The following VTI1B variants were observed in gnomAD, a reference collection of about 807,000 sequenced individuals.
The protein encoded by VTI1B is vesicle transport through interaction with t-SNAREs homolog 1B.
A neutral mutation model predicts 28.6 loss-of-function variants in VTI1B; 18 were observed. That is an observed-to-expected ratio of 0.63 (90% CI 0.43 to 0.93). The LOEUF (loss-of-function observed/expected upper bound fraction) is 0.93. Ranked by LOEUF, VTI1B falls within the 40% of genes least tolerant of loss-of-function variation. The probability of loss-of-function intolerance (pLI) is 0.00; values close to 1 mark genes in which losing one functional copy is unlikely to be tolerated. For synonymous variants in VTI1B, 100 were observed against 107.9 expected (o/e 0.93, Z 0.46); for missense variants, 283 against 297.0 (o/e 0.95, Z 0.35).
At chr14:67,667,334 G>T (rs1159258288) in intron 1 of VTI1B, among the ~76,000 whole-genome samples, 3 of 151,944 alleles carry the variant, frequency 2.0e-5, no homozygotes, top group Non-Finnish European at 4.4e-5. Flanking sequence ...TTTGCTTTTG[G>T]TGCCTCACTG....
In VTI1B at chr14:67,648,939, AC is replaced by A. The variant is rs1362199729; in HGVS notation, c.*2445del. ...ATTGAAAGGTTCAGGGCTATAGAGA[AC>A]CCTTGACTAGCTGGGATAGAAACTC... On this transcript the variant is annotated 3_prime_UTR_variant, in exon 6 of 6. Coordinates refer to ENST00000554659, the MANE Select transcript of VTI1B (RefSeq NM_006370.3). 1 of 152,152 alleles carries A rather than the reference AC, an allele frequency of 6.6e-6. No homozygotes were observed. The highest frequency in any genetic ancestry group is 2.4e-5 in the African/African-American group (1 of 41,424). The allele number at this position is 152,152 out of a possible 1,614,324, so 9.4% of individuals were successfully genotyped here. A position where few individuals can be genotyped will look rare whatever the true frequency, so the allele number is the denominator to read the frequency against.
intron 2 of VTI1B, chr14:67,660,134 T>C: frequency 2.0e-6 from 1 of 498,414 alleles, no homozygotes. Context: ...GGCATTCGAG[T>C]ATATGAACTG....
intron 1 of VTI1B, 87 bp from the exon 2 acceptor site, chr14:67,662,622 A>G: frequency 8.3e-7 from 1 of 1,210,658 alleles, no homozygotes; most frequent in South Asian, 1.4e-5. Flanking sequence ...TAAGCTTCCT[A>G]TGGCAGGGCC....
At chr14:67,657,090 T>A (rs2037267908) in intron 3 of VTI1B, 1 of 152,402 alleles carries the variant, frequency 6.6e-6, no homozygotes, top group South Asian at 2.1e-4. Flanking sequence ...TAAGCTATTC[T>A]GTTCTTCGTT....
At chr14:67,663,259 T>C in intron 1 of VTI1B, 1 of 1,123,156 alleles carries the variant, frequency 8.9e-7, no homozygotes, top group Non-Finnish European at 1.3e-6. Context: ...TTGTCTTAAT[T>C]GTATTTTCTG....
At position 67,647,858 on chromosome 14, in the gene VTI1B, G is replaced by A. The variant is rs2037120795; in HGVS notation, c.*3527C>T. Reference sequence around the variant, plus strand: ...GGCAGTATCATGAAGTGGTATGTAGGAAGTTAATATTGCCAATCTCAGTAA... The same window carrying A: ...GGCAGTATCATGAAGTGGTATGTAGAAAGTTAATATTGCCAATCTCAGTAA... On this transcript the variant is annotated 3_prime_UTR_variant, in exon 6 of 6. Transcript: ENST00000554659. The A allele has an allele frequency of 1.6e-6, 1 of 606,722 alleles. No individual in the cohort carries two copies. The highest frequency in any genetic ancestry group is 3.0e-5 in the Admixed American group (1 of 32,974). 37.6% of individuals were successfully genotyped at this position (606,722 alleles called of 1,614,324 possible).
At chr14:67,657,791 C>T (rs1334865528) in intron 3 of VTI1B, among the ~76,000 whole-genome samples, 9 of 150,878 alleles carry the variant, frequency 6.0e-5, no homozygotes, top group African/African-American at 2.2e-4. Context: ...CTCTGTCGCC[C>T]GGGCTGGAGT....
intron 2 of VTI1B, among the ~76,000 whole-genome samples, chr14:67,662,176 C>CAAA (rs753213190): frequency 1.4e-5 from 2 of 146,912 alleles, no homozygotes; most frequent in South Asian, 2.2e-4. Context: ...ACAACAACAA[C>CAAA]AACAAAAAAA....
intron 3 of VTI1B, among the ~76,000 whole-genome samples, chr14:67,658,511 G>C (rs931879626): frequency 6.6e-6 from 1 of 152,172 alleles, no homozygotes; most frequent in Non-Finnish European, 1.5e-5. Context: ...GCAGGAGAAT[G>C]GAGTGAACCC....
At chr14:67,659,402 TAGATC>T (rs1200301978) in intron 3 of VTI1B, among the ~76,000 whole-genome samples, 1 of 151,962 alleles carries the variant, frequency 6.6e-6, no homozygotes, top group East Asian at 1.9e-4. Context: ...GAAAAGAAAT[TAGATC>T]AATGAGTCAG....
In VTI1B at chr14:67,673,356, G is replaced by A. The variant is rs540735219; in HGVS notation, c.115+1019C>T. On this transcript the variant is annotated intron_variant, in intron 1 of 5. Coordinates refer to ENST00000554659, the MANE Select transcript of VTI1B (RefSeq NM_006370.3). ...GAGACCCTGTCTCAAAAAAAAAAAT[G>A]ATAAATAATAAAATAAAACTGAAGT... 3.1e-4 allele frequency among the ~76,000 whole-genome samples: 47 copies of A among 151,864 alleles called. 1 individual carries two copies. The highest frequency in any genetic ancestry group is 1.1e-3 in the African/African-American group (46 of 41,434).
Position 67,648,285 on chromosome 14 carries a change from GTTT to G in VTI1B, c.*3097_*3099del, listed in dbSNP as rs1402629244. The G allele has an allele frequency of 5.6e-5, 74 of 1,332,880 alleles. No individual in the cohort carries two copies. The highest frequency in any genetic ancestry group is 7.3e-5 in the Non-Finnish European group (72 of 988,888). The allele number at this position is 1,332,880 out of a possible 1,614,324, so 82.6% of individuals were successfully genotyped here. ...TTCTGCTATTCCACATCATTGCAGAGTTTGTTTTTGCTTAAACTTTTGTAGCTA... is the reference window on the plus strand; with the variant it reads ...TTCTGCTATTCCACATCATTGCAGAGGTTTTTGCTTAAACTTTTGTAGCTA... On this transcript the variant is annotated 3_prime_UTR_variant, in exon 6 of 6. Transcript: ENST00000554659.
chr14:67,671,987 G>A (rs1372019433), intron 1 of VTI1B, among the ~76,000 whole-genome samples: 4 of 152,336 alleles, frequency 2.6e-5, no homozygotes, highest in South Asian at 2.1e-4. Context: ...ATAAGTTTTA[G>A]AGGGGGACAT....
chr14:67,656,476 G>A lies in VTI1B; in HGVS notation c.480C>T (p.Gly160=). Residue 160 remains glycine (G), a synonymous_variant, in exon 4 of 6, where the codon GGC becomes GGT. Transcript: ENST00000554659. ...CCCCCAGCTCTTCTATGATTTCTGAGCCAATCTGGTCAGTCTCTGTGGCAA... is the reference window on the plus strand; with the variant it reads ...CCCCCAGCTCTTCTATGATTTCTGAACCAATCTGGTCAGTCTCTGTGGCAA... The part of the protein sequence containing the change: ...HRIATETDQI[G]SEIIEELGEQ... 8.1e-6 allele frequency: 13 copies of A among 1,613,588 alleles called. No homozygotes were observed. The highest frequency in any genetic ancestry group is 1.1e-5 in the Non-Finnish European group (13 of 1,179,756).
At chr14:67,667,720 G>A (rs566647852) in intron 1 of VTI1B, among the ~76,000 whole-genome samples, 9 of 152,200 alleles carry the variant, frequency 5.9e-5, no homozygotes, top group South Asian at 4.1e-4. Context: ...CGAGGCGGGC[G>A]GATCACGAGG....
At chr14:67,668,246 T>C (rs2037425425) in intron 1 of VTI1B, among the ~76,000 whole-genome samples, 1 of 152,218 alleles carries the variant, frequency 6.6e-6, no homozygotes, top group Admixed American at 6.5e-5. Flanking sequence ...TAAGAAATTA[T>C]AGCACATTAT....
At chr14:67,658,029 G>A (rs542219775) in intron 3 of VTI1B, among the ~76,000 whole-genome samples, 43 of 152,146 alleles carry the variant, frequency 2.8e-4, no homozygotes, top group Non-Finnish European at 5.4e-4. Context: ...GATTACAGGC[G>A]TAAGCCACTG....
Position 67,647,094 on chromosome 14 carries a change from G to A in VTI1B, c.*4291C>T. 2.0e-6 allele frequency: 2 copies of A among 1,000,926 alleles called. No homozygotes were observed. Among genetic ancestry groups the A allele is most frequent in the East Asian group, 2.4e-5 (1 of 41,564 alleles). The allele number at this position is 1,000,926 out of a possible 1,614,324, so 62.0% of individuals were successfully genotyped here. ...ACACACTTTTAGCCTGTTTCTTGAGGACAGCAGCTTTACTTTTAAAATACA... is the reference window on the plus strand; with the variant it reads ...ACACACTTTTAGCCTGTTTCTTGAGAACAGCAGCTTTACTTTTAAAATACA... On this transcript the variant is annotated 3_prime_UTR_variant, in exon 6 of 6. Coordinates refer to ENST00000554659, the MANE Select transcript of VTI1B (RefSeq NM_006370.3).
chr14:67,662,429 A>T (rs1675200097), intron 2 of VTI1B, 48 bp downstream of exon 2: 2 of 1,506,238 alleles, frequency 1.3e-6, no homozygotes, highest in Admixed American at 1.7e-5. Flanking sequence ...TACTTCTGGA[A>T]AAGACCAACA....
Sources: allele counts gnomAD v4.1 joint callset (sites outside exome capture counted in the v4.1 genomes callset), GRCh38; gene constraint gnomAD v4.1.1; transcripts MANE v1.5; gene names NCBI Gene and HGNC (gene_info 2026-07-23, HGNC 2026-07-21).